ADGRB3: variants seen among roughly 807,000 people sequenced by gnomAD.
ADGRB3 encodes the protein brain-specific angiogenesis inhibitor 3.
A neutral mutation model predicts 193.4 loss-of-function variants in ADGRB3; 37 were observed. The observed-to-expected ratio is 0.19, with a 90% CI of 0.15 to 0.25. The LOEUF is 0.25. ADGRB3 is among the 10% of genes least tolerant of loss of function. The pLI is 1.00. For missense variants in ADGRB3, 1,637 were observed against 1,852.9 expected, an observed-to-expected ratio of 0.88 and a Z score of 2.14; for synonymous variants, 690 against 644.2, an observed-to-expected ratio of 1.07 and a Z score of -1.08.
chr6:69,348,680 G>A (rs1001258632), intron 26 of ADGRB3, among the ~76,000 whole-genome samples: 1 of 151,626 alleles, frequency 6.6e-6, no homozygotes, highest in Admixed American at 6.6e-5. Context: ...AAGAAGAAGA[G>A]TAGGTGGACA....
At chr6:69,123,954 T>C (rs1260280794) in intron 17 of ADGRB3, among the ~76,000 whole-genome samples, 1 of 152,186 alleles carries the variant, frequency 6.6e-6, no homozygotes, top group African/African-American at 2.4e-5. Context: ...ATAATTTGGC[T>C]TCTTTACAAA....
chr6:69,120,873 G>A (rs2150329523), intron 17 of ADGRB3, among the ~76,000 whole-genome samples: 1 of 151,968 alleles, frequency 6.6e-6, no homozygotes, highest in South Asian at 2.1e-4. Flanking sequence ...TAGAAGGAGT[G>A]GCTATTTGAA....
chr6:69,382,826 TGCAGAAGG>T lies in ADGRB3; in HGVS notation c.4276-4_4279del. 6.3e-7 allele frequency: 1 copy of T among 1,589,902 alleles called. No individual in the cohort carries two copies. Among genetic ancestry groups the T allele is most frequent in the African/African-American group, 1.4e-5 (1 of 73,570 alleles). ...GGATGAGAGCTATCTTGTTCTTTTT[TGCAGAAGG>T]TCATGCATACAAGGAAGAGGCATAT... On this transcript the variant is annotated splice_acceptor_variant and splice_polypyrimidine_tract_variant and coding_sequence_variant and intron_variant, in exon 31 of 32. Coordinates refer to ENST00000370598, the MANE Select transcript of ADGRB3 (RefSeq NM_001704.3). LOFTEE classifies it high-confidence loss of function.
At chr6:69,124,487 A>G (rs1773803057) in intron 17 of ADGRB3, among the ~76,000 whole-genome samples, 1 of 152,146 alleles carries the variant, frequency 6.6e-6, no homozygotes, top group African/African-American at 2.4e-5. Context: ...TGTGTATGTG[A>G]TTCTTCGTCT....
chr6:68,661,480 T>TAC lies in ADGRB3; in HGVS notation c.757+22050_757+22051dup, dbSNP rs1377479111. ...ATATATGTGTGTATATATATGTGTATACATATATATATGTGTGTATACATA... is the reference window on the plus strand; with the variant it reads ...ATATATGTGTGTATATATATGTGTATACACATATATATATGTGTGTATACATA... On this transcript the variant is annotated intron_variant, in intron 3 of 31. Coordinates refer to ENST00000370598, the MANE Select transcript of ADGRB3 (RefSeq NM_001704.3). Among the ~76,000 whole-genome samples, 76 of 111,632 alleles carry TAC rather than the reference T, an allele frequency of 6.8e-4. 5 individuals are homozygous for TAC. Among genetic ancestry groups the TAC allele is most frequent in the Non-Finnish European group, 1.3e-3 (67 of 53,386 alleles). The allele number at this position is 111,632 out of a possible 152,430, so 73.2% of individuals were successfully genotyped here. A position where few individuals can be genotyped will look rare whatever the true frequency, so the allele number is the denominator to read the frequency against.
chr6:68,822,298 C>A (rs747449321), intron 3 of ADGRB3, among the ~76,000 whole-genome samples: 14 of 151,688 alleles, frequency 9.2e-5, no homozygotes, highest in Non-Finnish European at 1.8e-4. Context: ...ATTGAGAAGG[C>A]CTAAAAATAG....
chr6:69,277,373 C>A (rs904774350), intron 20 of ADGRB3, among the ~76,000 whole-genome samples: 1 of 152,180 alleles, frequency 6.6e-6, no homozygotes, highest in East Asian at 1.9e-4. Context: ...CACTAGTCAA[C>A]ACCATTTCTC....
chr6:68,905,311 C>T (rs546686861), intron 3 of ADGRB3, among the ~76,000 whole-genome samples: 4 of 152,182 alleles, frequency 2.6e-5, no homozygotes, highest in Middle Eastern at 3.4e-3. Flanking sequence ...TAGGCTAATC[C>T]TTTTTCCAGC....
At chr6:69,109,135 G>A (rs934924062) in intron 17 of ADGRB3, among the ~76,000 whole-genome samples, 1 of 152,080 alleles carries the variant, frequency 6.6e-6, no homozygotes, top group Non-Finnish European at 1.5e-5. Flanking sequence ...TGGCCTATAA[G>A]ATTCTTGGAT....
chr6:68,737,071 T>A (rs1163086201), intron 3 of ADGRB3, among the ~76,000 whole-genome samples: 1 of 152,156 alleles, frequency 6.6e-6, no homozygotes, highest in African/African-American at 2.4e-5. Context: ...TAAATTTTAT[T>A]TGTGGTCATT....
At chr6:69,006,016 G>A (rs1247885612) in intron 11 of ADGRB3, among the ~76,000 whole-genome samples, 1 of 152,058 alleles carries the variant, frequency 6.6e-6, no homozygotes, top group African/African-American at 2.4e-5. Flanking sequence ...CCATGGTATT[G>A]GGCCTCTTGG....
chr6:68,871,492 A>T (rs1018892361), intron 3 of ADGRB3, among the ~76,000 whole-genome samples: 1 of 152,090 alleles, frequency 6.6e-6, no homozygotes, highest in African/African-American at 2.4e-5. Context: ...TGTACTCATT[A>T]AAAAAACTCC....
chr6:68,948,235 C>CA (rs1767825028), intron 6 of ADGRB3, among the ~76,000 whole-genome samples: 1 of 152,082 alleles, frequency 6.6e-6, no homozygotes, highest in Non-Finnish European at 1.5e-5. Context: ...TCATCGTATG[C>CA]TACTGATGTT....
chr6:68,694,481 GT>G (rs1456064859), intron 3 of ADGRB3, among the ~76,000 whole-genome samples: 10 of 151,916 alleles, frequency 6.6e-5, no homozygotes, highest in Non-Finnish European at 1.2e-4. Context: ...TGGGAGTGAG[GT>G]GGGGGGAGGT....
intron 3 of ADGRB3, among the ~76,000 whole-genome samples, chr6:68,815,028 T>C (rs1352442926): frequency 6.6e-6 from 1 of 152,102 alleles, no homozygotes; most frequent in Non-Finnish European, 1.5e-5. Context: ...ACAGCCAATA[T>C]CATACTTGAA....
intron 11 of ADGRB3, among the ~76,000 whole-genome samples, chr6:69,007,953 G>A (rs550231138): frequency 5.9e-4 from 90 of 152,056 alleles, no homozygotes; most frequent in Non-Finnish European, 1.1e-3. Flanking sequence ...GTCCCTTGTT[G>A]CTGCATCCTC....
chr6:69,128,481 A>ACATAG (rs2150333061), intron 17 of ADGRB3, among the ~76,000 whole-genome samples: 1 of 152,284 alleles, frequency 6.6e-6, no homozygotes, highest in Non-Finnish European at 1.5e-5. Flanking sequence ...TGCCTGTAAT[A>ACATAG]CATAGTAACT....
intron 17 of ADGRB3, among the ~76,000 whole-genome samples, chr6:69,169,690 G>A (rs1414866340): frequency 1.3e-5 from 2 of 151,898 alleles, no homozygotes; most frequent in African/African-American, 4.8e-5. Context: ...GACCTTAAAT[G>A]TAAACAAGAT....
chr6:69,255,899 C>A (rs1200532535), intron 20 of ADGRB3, among the ~76,000 whole-genome samples: 2 of 152,120 alleles, frequency 1.3e-5, no homozygotes, highest in Admixed American at 6.5e-5. Flanking sequence ...AGGAAGGGAT[C>A]CGGTTTCAGC....
Sources: gnomAD v4.1 joint callset for allele counts (sites outside exome capture counted in the v4.1 genomes callset) on GRCh38, gnomAD v4.1.1 for gene constraint, MANE v1.5 for transcripts, NCBI Gene and HGNC (gene_info 2026-07-23, HGNC 2026-07-21) for gene names.